The following KAT6A variants were observed in gnomAD, a reference collection of about 807,000 sequenced individuals.
KAT6A encodes the protein histone acetyltransferase KAT6A.
KAT6A carries 9 observed loss-of-function variants against 198.4 expected under a neutral mutation model. The observed-to-expected ratio is 0.05, with a 90% CI of 0.03 to 0.08. KAT6A has a LOEUF of 0.08. Ranked by LOEUF, KAT6A falls within the 10% of genes least tolerant of loss-of-function variation. The pLI, the probability that KAT6A is intolerant of heterozygous loss-of-function variation, is 1.00. For synonymous variants in KAT6A, 890 were observed against 883.0 expected (o/e 1.01, Z -0.14); for missense variants, 2,077 against 2,509.9 (o/e 0.83, Z 3.69).
At chr8:42,017,389 A>G (rs182527711) in intron 2 of KAT6A, among the ~76,000 whole-genome samples, 51 of 152,358 alleles carry the variant, frequency 3.3e-4, no homozygotes, top group Middle Eastern at 3.4e-3. Flanking sequence ...CTATCATAAT[A>G]CAGGGAGAAA....
At chr8:41,989,042 G>A (rs1478190286) in intron 2 of KAT6A, among the ~76,000 whole-genome samples, 1 of 152,158 alleles carries the variant, frequency 6.6e-6, no homozygotes, top group Non-Finnish European at 1.5e-5. Context: ...ATAGAAAACA[G>A]GAGGAAAGTG....
intron 3 of KAT6A, among the ~76,000 whole-genome samples, chr8:41,986,106 A>G (rs1733559585): frequency 6.6e-6 from 1 of 152,058 alleles, no homozygotes; most frequent in Non-Finnish European, 1.5e-5. Flanking sequence ...ACGCCCAGCT[A>G]ATTTTTGTAT....
chr8:41,931,242 T>C lies in KAT6A; in HGVS notation c.*963A>G, dbSNP rs1821525972. 4.5e-6 allele frequency: 1 copy of C among 221,060 alleles called. No individual in the cohort carries two copies. Among genetic ancestry groups the C allele is most frequent in the African/African-American group, 2.2e-5 (1 of 44,558 alleles). 13.7% of individuals were successfully genotyped at this position (221,060 alleles called of 1,614,324 possible). The stretch of plus-strand genomic sequence containing the variant: ...AAGACCCTCAGTTAGCATTTCAAAG[T>C]ACATACTAGAAACAAGAGGCTGGGT... On this transcript the variant is annotated 3_prime_UTR_variant, in exon 17 of 17. Coordinates refer to ENST00000265713, the MANE Select transcript of KAT6A (RefSeq NM_006766.5).
chr8:42,005,043 G>C (rs1222090303), intron 2 of KAT6A, among the ~76,000 whole-genome samples: 1 of 151,988 alleles, frequency 6.6e-6, no homozygotes, highest in Non-Finnish European at 1.5e-5. Flanking sequence ...CATGTTAATG[G>C]CTGTGTCATA....
At chr8:41,937,111 C>G in intron 16 of KAT6A, 145 bp downstream of exon 16, 1 of 621,870 alleles carries the variant, frequency 1.6e-6, no homozygotes, top group African/African-American at 1.8e-5. Context: ...ATACTTGATA[C>G]AACTTTTTAG....
At position 41,979,728 on chromosome 8, in the gene KAT6A, C is replaced by T. The variant is rs143806736; in HGVS notation, c.908-951G>A. Among the ~76,000 whole-genome samples, 1,271 of 151,898 alleles carry T rather than the reference C, an allele frequency of 8.4e-3. 15 individuals carry two copies. Among genetic ancestry groups the T allele is most frequent in the African/African-American group, 0.03 (1,223 of 41,416 alleles). On this transcript the variant is annotated intron_variant, in intron 5 of 16. Transcript: ENST00000265713. ...TCAGTAAGTGAATTCAGGCTGGGCG[C>T]GGTGGCTCATGCCTGTAATCCCAGC...
intron 2 of KAT6A, among the ~76,000 whole-genome samples, chr8:42,009,917 A>G: frequency 6.7e-6 from 1 of 149,390 alleles, no homozygotes; most frequent in East Asian, 1.9e-4. Context: ...AAAAAAAACA[A>G]AAAAAAACAA....
rs1232274387 is a variant in KAT6A at position 42,040,735 on chromosome 8, C to G, written c.600+7643G>C. On this transcript the variant is annotated intron_variant, in intron 2 of 16. Transcript: ENST00000265713. ...AAGTGACAAGAGCAAGACTCTGTCT[C>G]AAAAAAAAAAAAAAAAAAAAAAAAA... 7.3e-5 allele frequency among the ~76,000 whole-genome samples: 4 copies of G among 54,668 alleles called. No homozygotes were observed. The East Asian group carries it at 1.8e-3, about 25-fold the overall frequency. 35.9% of individuals were successfully genotyped at this position (54,668 alleles called of 152,430 possible).
chr8:42,029,660 G>A (rs1827009807), intron 2 of KAT6A, among the ~76,000 whole-genome samples: 1 of 149,996 alleles, frequency 6.7e-6, no homozygotes, highest in East Asian at 2.0e-4. Flanking sequence ...GTCTCACCAT[G>A]TTGCCCAGGC....
intron 7 of KAT6A, among the ~76,000 whole-genome samples, chr8:41,976,211 G>C (rs1824042832): frequency 6.6e-6 from 1 of 152,176 alleles, no homozygotes; most frequent in Admixed American, 6.6e-5. Context: ...TCTTGTAGTA[G>C]ATGAGACACT....
chr8:41,946,550 T>G (rs1174736905), intron 12 of KAT6A, 41 bp downstream of exon 12: 1 of 898,490 alleles, frequency 1.1e-6, no homozygotes. Context: ...ACAGAGAAGG[T>G]CCACTGGAAA....
At position 41,978,719 on chromosome 8, in the gene KAT6A, C is replaced by G; in HGVS notation, c.966G>C (p.Lys322Asn). 6.2e-7 allele frequency: 1 copy of G among 1,613,972 alleles called. No individual in the cohort carries two copies. Among genetic ancestry groups the G allele is most frequent in the Non-Finnish European group, 8.5e-7 (1 of 1,179,922 alleles). ...AGCGCCGTTTTATCTGTGCTGCCTT[C>G]TTTTGTAGAAGTTTTCGTCCTTTTT... ...PRKKGRKLLQ[K>N]KAAQIKRRYT... is the part of the protein sequence containing the mutation. The change falls in exon 6 of 17, where the codon AAG (lysine) becomes AAC (asparagine). Residue 322 changes from lysine (K) to asparagine (N), a missense_variant. Lys to Asn is a moderately conservative substitution (Grantham distance 94, BLOSUM62 0). Transcript: ENST00000265713.
intron 2 of KAT6A, among the ~76,000 whole-genome samples, chr8:42,006,858 T>C (rs906397792): frequency 1.3e-5 from 2 of 151,940 alleles, no homozygotes; most frequent in Non-Finnish European, 2.9e-5. Context: ...TAGCTGGGCA[T>C]GGTGATGCAC....
At chr8:42,015,582 T>C (rs1826233331) in intron 2 of KAT6A, among the ~76,000 whole-genome samples, 2 of 152,204 alleles carry the variant, frequency 1.3e-5, no homozygotes, top group African/African-American at 4.8e-5. Context: ...TCGTATAAAT[T>C]TCAATGTATA....
chr8:41,963,383 A>T (rs751374169), intron 8 of KAT6A, among the ~76,000 whole-genome samples: 29 of 152,128 alleles, frequency 1.9e-4, no homozygotes, highest in Non-Finnish European at 5.9e-5. Context: ...CTTCCATCTA[A>T]ATAAGCTTCT....
intron 2 of KAT6A, among the ~76,000 whole-genome samples, chr8:42,003,634 ATACC>A (rs1285142974): frequency 1.3e-5 from 2 of 152,094 alleles, no homozygotes; most frequent in Admixed American, 1.3e-4. Context: ...GCAACTTGGC[ATACC>A]TACCTATCTT....
chr8:41,971,592 G>A (rs1298939553), intron 8 of KAT6A, among the ~76,000 whole-genome samples: 1 of 146,888 alleles, frequency 6.8e-6, no homozygotes, highest in African/African-American at 2.6e-5. Flanking sequence ...TACAGCCTTG[G>A]AGATGAGAGA....
At chr8:42,045,720 C>A (rs573360067) in intron 2 of KAT6A, among the ~76,000 whole-genome samples, 11 of 151,092 alleles carry the variant, frequency 7.3e-5, no homozygotes, top group Non-Finnish European at 1.5e-4. Context: ...TTCCTATAAT[C>A]TTGGCACTTT....
chr8:42,003,952 T>C (rs1256634522), intron 2 of KAT6A, among the ~76,000 whole-genome samples: 1 of 152,200 alleles, frequency 6.6e-6, no homozygotes, highest in Non-Finnish European at 1.5e-5. Context: ...TCCAGAATTG[T>C]AAGAAAACAA....
Sources: allele counts gnomAD v4.1 joint callset (sites outside exome capture counted in the v4.1 genomes callset), GRCh38; gene constraint gnomAD v4.1.1; transcripts MANE v1.5; gene names NCBI Gene and HGNC (gene_info 2026-07-23, HGNC 2026-07-21).